PRKCH: variants seen among roughly 807,000 people sequenced by gnomAD.
The protein encoded by PRKCH is protein kinase C eta.
PRKCH carries 28 observed loss-of-function variants against 82.5 expected under a neutral mutation model. The observed-to-expected ratio is 0.34, with a 90% CI of 0.25 to 0.47. The LOEUF (loss-of-function observed/expected upper bound fraction) is 0.47, where lower values mean the gene tolerates loss of function less well. PRKCH is among the 20% of genes least tolerant of loss of function. The pLI is 1.00. For missense variants in PRKCH, 705 were observed against 881.8 expected, an observed-to-expected ratio of 0.80 and a Z score of 2.54; for synonymous variants, 322 against 327.4, an observed-to-expected ratio of 0.98 and a Z score of 0.18.
At chr14:61,548,816 T>C (rs2043291866) in intron 13 of PRKCH, among the ~76,000 whole-genome samples, 1 of 150,074 alleles carries the variant, frequency 6.7e-6, no homozygotes. Context: ...TGAGCCGAGA[T>C]TGCGTCATGC....
chr14:61,236,710 C>CAAAAAAAAAAAAAAAAA (rs35185475), intron 1 of PRKCH, among the ~76,000 whole-genome samples: 5 of 87,642 alleles, frequency 5.7e-5, no homozygotes, highest in Non-Finnish European at 8.0e-5. Context: ...TGTCTCAAAA[C>CAAAAAAAAAAAAAAAAA]AAAAAAAAAA....
At chr14:61,405,973 T>C (rs1881927481) in intron 2 of PRKCH, among the ~76,000 whole-genome samples, 1 of 152,208 alleles carries the variant, frequency 6.6e-6, no homozygotes, top group Admixed American at 6.5e-5. Context: ...GGATCTGTTT[T>C]AAAGCAATGG....
intron 2 of PRKCH, among the ~76,000 whole-genome samples, chr14:61,398,005 T>C (rs2046810906): frequency 6.6e-6 from 1 of 152,190 alleles, no homozygotes; most frequent in Non-Finnish European, 1.5e-5. Context: ...CAGAAACCCC[T>C]CACCACTGTT....
chr14:61,520,374 T>G (rs954175372), intron 10 of PRKCH, among the ~76,000 whole-genome samples: 2 of 152,210 alleles, frequency 1.3e-5, no homozygotes, highest in Admixed American at 1.3e-4. Context: ...TTGTATCCTG[T>G]TCTTTCACTT....
chr14:61,194,368 T>C (rs561483640), intron 1 of PRKCH, among the ~76,000 whole-genome samples: 1 of 152,302 alleles, frequency 6.6e-6, no homozygotes, highest in South Asian at 2.1e-4. Context: ...GATGGGACTT[T>C]TGGGGGGCAA....
At chr14:61,433,052 A>AAACAAAAAAC (rs1555386588) in intron 2 of PRKCH, among the ~76,000 whole-genome samples, 1 of 149,644 alleles carries the variant, frequency 6.7e-6, no homozygotes, top group South Asian at 2.1e-4. Context: ...TCAAAAAAAA[A>AAACAAAAAAC]AAAAAAAAAC....
intron 2 of PRKCH, among the ~76,000 whole-genome samples, chr14:61,424,368 C>G (rs1258733817): frequency 6.6e-6 from 1 of 152,150 alleles, no homozygotes; most frequent in African/African-American, 2.4e-5. Flanking sequence ...TTTGGAACTT[C>G]CTAGAGACTT....
chr14:61,431,006 G>A (rs886245596), intron 2 of PRKCH, among the ~76,000 whole-genome samples: 5 of 152,148 alleles, frequency 3.3e-5, no homozygotes, highest in Non-Finnish European at 5.9e-5. Flanking sequence ...CGCCCGCCTC[G>A]GCCTCCCAAA....
upstream of PRKCH, among the ~76,000 whole-genome samples, chr14:61,321,122 G>T (rs2045613531): frequency 6.6e-6 from 1 of 152,214 alleles, no homozygotes; most frequent in Non-Finnish European, 1.5e-5. This position sits in a 1 kb window ranked among gnomAD's most constrained non-coding sequence, Gnocchi z 4.1. Flanking sequence ...GCTGACCCCG[G>T]GATGAGCCAT....
intron 9 of PRKCH, among the ~76,000 whole-genome samples, chr14:61,485,102 G>T (rs1025239551): frequency 6.6e-6 from 1 of 151,992 alleles, no homozygotes; most frequent in Admixed American, 6.6e-5. Context: ...GAGAACTAGA[G>T]CACCTGCTAG....
intron 10 of PRKCH, among the ~76,000 whole-genome samples, chr14:61,495,323 C>T (rs1886621399): frequency 6.6e-6 from 1 of 152,218 alleles, no homozygotes; most frequent in South Asian, 2.1e-4. Context: ...TCAGTGAAGG[C>T]TGTGACTATT....
chr14:61,253,068 TTTG>T (rs1486794754), intron 1 of PRKCH, among the ~76,000 whole-genome samples: 1 of 152,208 alleles, frequency 6.6e-6, no homozygotes, highest in Non-Finnish European at 1.5e-5. Context: ...AAAAATTGTT[TTTG>T]TTTTAAAATC....
chr14:61,272,272 G>T (rs548375617), intron 1 of PRKCH, among the ~76,000 whole-genome samples: 1 of 149,552 alleles, frequency 6.7e-6, no homozygotes, highest in South Asian at 2.1e-4. Context: ...AAATCACTTA[G>T]TGTGATGTCT....
At chr14:61,515,380 A>G (rs1468904204) in intron 10 of PRKCH, among the ~76,000 whole-genome samples, 1 of 152,170 alleles carries the variant, frequency 6.6e-6, no homozygotes, top group Non-Finnish European at 1.5e-5. Context: ...AACTTATTCT[A>G]CCTAGCAGAA....
At chr14:61,349,376 C>A (rs1416048202) in intron 1 of PRKCH, among the ~76,000 whole-genome samples, 3 of 152,076 alleles carry the variant, frequency 2.0e-5, no homozygotes, top group Non-Finnish European at 4.4e-5. Context: ...GATATTGTGC[C>A]CCATTTTACA....
At chr14:61,275,246 G>A (rs2045191680) in intron 1 of PRKCH, among the ~76,000 whole-genome samples, 1 of 152,098 alleles carries the variant, frequency 6.6e-6, no homozygotes, top group Non-Finnish European at 1.5e-5. Flanking sequence ...ATAGAGTTCT[G>A]TACAAAACTG....
chr14:61,479,929 C>A (rs1308100024), intron 9 of PRKCH, among the ~76,000 whole-genome samples: 1 of 152,220 alleles, frequency 6.6e-6, no homozygotes, highest in African/African-American at 2.4e-5. Flanking sequence ...GTGTTCATCA[C>A]CCCATGTTAA....
chr14:61,395,297 C>T (rs373467636), intron 2 of PRKCH, among the ~76,000 whole-genome samples: 1 of 147,090 alleles, frequency 6.8e-6, no homozygotes, highest in African/African-American at 2.5e-5. Context: ...GGAGCCCCCC[C>T]CCGCATTTGC....
At chr14:61,478,823 T>A (rs1885841468) in intron 9 of PRKCH, among the ~76,000 whole-genome samples, 1 of 152,306 alleles carries the variant, frequency 6.6e-6, no homozygotes, top group Non-Finnish European at 1.5e-5. Context: ...ATCCTGCCAC[T>A]GCCCTCCAGC....
Sources: gnomAD v4.1 joint callset for allele counts (sites outside exome capture counted in the v4.1 genomes callset) on GRCh38, gnomAD v4.1.1 for gene constraint, Gnocchi (gnomAD v3.1) non-coding constraint, MANE v1.5 for transcripts, NCBI Gene and HGNC (gene_info 2026-07-23, HGNC 2026-07-21) for gene names.